NPAS3: variants seen among roughly 807,000 people sequenced by gnomAD.
The protein encoded by NPAS3 is neuronal PAS domain protein 3.
Under a neutral mutation model 73.1 loss-of-function variants are expected in NPAS3, and 14 were observed. The observed-to-expected ratio is 0.19, with a 90% CI of 0.13 to 0.30. NPAS3 has a LOEUF of 0.30. NPAS3 is among the 10% of genes least tolerant of loss of function. NPAS3 has a pLI of 1.00. For synonymous variants in NPAS3, 620 were observed against 541.5 expected, an observed-to-expected ratio of 1.14 and a Z score of -2.01; for missense variants, 1,096 against 1,250.0, an observed-to-expected ratio of 0.88 and a Z score of 1.86.
chr14:33,554,203 C>T (rs950925008), intron 4 of NPAS3, among the ~76,000 whole-genome samples: 2 of 152,168 alleles, frequency 1.3e-5, no homozygotes, highest in African/African-American at 4.8e-5. Flanking sequence ...TCCTTATTAA[C>T]AGCAAAGCTG....
intron 4 of NPAS3, among the ~76,000 whole-genome samples, chr14:33,444,169 G>A (rs1246612217): frequency 6.6e-6 from 1 of 152,180 alleles, no homozygotes; most frequent in Non-Finnish European, 1.5e-5. Flanking sequence ...TTAAGAATCT[G>A]TATGCCTAAA....
chr14:33,306,986 C>A (rs2042778757), intron 3 of NPAS3, among the ~76,000 whole-genome samples: 1 of 152,162 alleles, frequency 6.6e-6, no homozygotes, highest in Admixed American at 6.5e-5. Context: ...TTACTGCTGA[C>A]CTTCTAAGGC....
In NPAS3 at chr14:33,205,694, G is replaced by A. The variant is rs114984598; in HGVS notation, c.141-9488G>A. On this transcript the variant is annotated intron_variant, in intron 2 of 11. Transcript: ENST00000356141. ...TGTTTCACAAAGGAATGTGGATGAA[G>A]TATAATGGTGTGTTCCTTGGTGTCA... Among the ~76,000 whole-genome samples the A allele has an allele frequency of 1.2e-3, 182 of 152,294 alleles. 1 individual carries two copies. The highest frequency in any genetic ancestry group is 4.0e-3 in the African/African-American group (166 of 41,578).
chr14:33,310,727 A>G (rs1408812989), intron 3 of NPAS3, among the ~76,000 whole-genome samples: 14 of 151,466 alleles, frequency 9.2e-5, no homozygotes, highest in African/African-American at 2.9e-4. Flanking sequence ...AAAAAGATGA[A>G]ATAAGACGGA....
rs1864260734 is a variant in NPAS3 at position 32,976,269 on chromosome 14, T to C, written c.50+36903T>C. Among the ~76,000 whole-genome samples, 5 of 152,242 alleles carry C rather than the reference T, an allele frequency of 3.3e-5. No homozygotes were observed. In the South Asian group the frequency reaches 1.0e-3, roughly 32 times the overall value. On this transcript the variant is annotated intron_variant, in intron 1 of 11. Transcript: ENST00000356141. ...AGACGGCTCTCGCACTAGGCCTCAG[T>C]GTGTCTCACCTCCTCTGGTCTCTGA...
At chr14:33,404,921 T>C (rs1382991852) in intron 4 of NPAS3, among the ~76,000 whole-genome samples, 2 of 152,104 alleles carry the variant, frequency 1.3e-5, no homozygotes, top group East Asian at 3.9e-4. Flanking sequence ...TTCTGGTCAT[T>C]GTTGTCTGTT....
intron 4 of NPAS3, among the ~76,000 whole-genome samples, chr14:33,410,931 C>A (rs150186658): frequency 1.7e-3 from 253 of 152,230 alleles, no homozygotes; most frequent in African/African-American, 5.9e-3. Flanking sequence ...CAGGAGTGAG[C>A]CACCGCATCC....
chr14:33,515,754 A>C (rs2053266870), intron 4 of NPAS3, among the ~76,000 whole-genome samples: 1 of 152,100 alleles, frequency 6.6e-6, no homozygotes, highest in Non-Finnish European at 1.5e-5. Flanking sequence ...ACTGCTTGTA[A>C]GCCCCTTCTA....
chr14:33,039,900 T>G (rs2040296575), intron 1 of NPAS3, among the ~76,000 whole-genome samples: 1 of 152,216 alleles, frequency 6.6e-6, no homozygotes, highest in Non-Finnish European at 1.5e-5. Flanking sequence ...AAGGTATATT[T>G]GTATGTTTCA....
At chr14:33,587,078 C>T (rs985180851) in intron 5 of NPAS3, among the ~76,000 whole-genome samples, 11 of 152,208 alleles carry the variant, frequency 7.2e-5, no homozygotes, top group Non-Finnish European at 1.5e-4. Context: ...CTTCTTTTGC[C>T]TTACTTTCCC....
intron 2 of NPAS3, among the ~76,000 whole-genome samples, chr14:33,064,312 G>A (rs561414905): frequency 6.6e-6 from 1 of 152,120 alleles, no homozygotes; most frequent in Admixed American, 6.5e-5. Flanking sequence ...TTAATGAGAA[G>A]ATAAACAATT....
At chr14:33,720,521 A>G (rs761788138) in intron 6 of NPAS3, among the ~76,000 whole-genome samples, 6 of 152,178 alleles carry the variant, frequency 3.9e-5, no homozygotes, top group Non-Finnish European at 7.4e-5. Flanking sequence ...AACAGGTTAG[A>G]AAGTAAATTA....
intron 3 of NPAS3, among the ~76,000 whole-genome samples, chr14:33,251,249 G>T (rs1339944604): frequency 1.3e-5 from 2 of 152,062 alleles, no homozygotes; most frequent in Non-Finnish European, 2.9e-5. Context: ...TTCTTATACA[G>T]AACTTCATTT....
At chr14:33,723,753 ATTCT>A (rs2061184028) in intron 6 of NPAS3, among the ~76,000 whole-genome samples, 1 of 151,636 alleles carries the variant, frequency 6.6e-6, no homozygotes, top group Non-Finnish European at 1.5e-5. Flanking sequence ...AAAGAAAAGC[ATTCT>A]TTCTCTGTTC....
chr14:33,608,360 GA>G (rs1272950824), intron 5 of NPAS3: 1 of 152,090 alleles, frequency 6.6e-6, no homozygotes, highest in Admixed American at 6.6e-5. Context: ...TTAAAGTATT[GA>G]AAAAGTGAGT....
intron 4 of NPAS3, among the ~76,000 whole-genome samples, chr14:33,479,853 C>A (rs1182360924): frequency 6.6e-6 from 1 of 152,032 alleles, no homozygotes; most frequent in Non-Finnish European, 1.5e-5. Flanking sequence ...TATTTCTTTC[C>A]ATTTGTGAAG....
intron 4 of NPAS3, among the ~76,000 whole-genome samples, chr14:33,402,843 C>T (rs1481630111): frequency 6.6e-5 from 10 of 152,184 alleles, no homozygotes; most frequent in Admixed American, 6.6e-4. Context: ...CAGAGAGGCA[C>T]TGTTTTTCTG....
chr14:33,755,684 T>G (rs2062093421), intron 7 of NPAS3, among the ~76,000 whole-genome samples: 1 of 152,210 alleles, frequency 6.6e-6, no homozygotes. Context: ...ATTACTGTCT[T>G]AGGCCATTCT....
intron 4 of NPAS3, among the ~76,000 whole-genome samples, chr14:33,548,420 T>C (rs1267476890): frequency 6.6e-6 from 1 of 152,228 alleles, no homozygotes; most frequent in Non-Finnish European, 1.5e-5. Context: ...AGATTATCGA[T>C]TCAAGGTTTC....
Sources: allele counts gnomAD v4.1 joint callset (sites outside exome capture counted in the v4.1 genomes callset), GRCh38; gene constraint gnomAD v4.1.1; transcripts MANE v1.5; gene names NCBI Gene and HGNC (gene_info 2026-07-23, HGNC 2026-07-21).